The following COL12A1 variants were observed in gnomAD, a reference collection of about 807,000 sequenced individuals.
COL12A1 encodes collagen alpha-1(XII) chain.
A neutral mutation model predicts 349.7 loss-of-function variants in COL12A1; 114 were observed. The ratio of observed to expected loss-of-function variants is 0.33; its 90% CI spans 0.28 to 0.38. The LOEUF is 0.38. Ranked by LOEUF, COL12A1 falls within the 10% of genes least tolerant of loss-of-function variation. The pLI, the probability that COL12A1 is intolerant of heterozygous loss-of-function variation, is 1.00. For missense variants in COL12A1, 3,284 were observed against 3,756.9 expected (o/e 0.87, Z 3.29); for synonymous variants, 1,369 against 1,329.0 (o/e 1.03, Z -0.66).
In COL12A1 at chr6:75,124,256, A is replaced by G; in HGVS notation, c.6723T>C (p.Asp2241=). The G allele has an allele frequency of 6.2e-7, 1 of 1,612,400 alleles. No individual in the cohort carries two copies. The highest frequency in any genetic ancestry group is 8.5e-7 in the Non-Finnish European group (1 of 1,179,070). ...TSYRLKLSPA[D]GTRGQEITVR... is the part of the protein sequence containing the mutation. The stretch of plus-strand genomic sequence containing the variant: ...TTTTTTTCTTTTTTACACACATACC[A>G]TCTGCAGGGCTTAGTTTTAGCCTGT... The change falls in exon 41 of 66, where the codon GAT becomes GAC. Residue 2241 remains aspartate, a splice_region_variant and synonymous_variant. Coordinates refer to ENST00000322507, the MANE Select transcript of COL12A1 (RefSeq NM_004370.6).
Position 75,189,144 on chromosome 6 carries a change from T to C in COL12A1, c.823+73A>G, listed in dbSNP as rs967337811. ...ATAGCATCCTTCCTTGAGGAATCAA[T>C]CTTTCATCTTCCTAAACATTAAGTA... On this transcript the variant is annotated intron_variant, in intron 7 of 65. Coordinates refer to ENST00000322507, the MANE Select transcript of COL12A1 (RefSeq NM_004370.6). 44 of 1,466,264 alleles carry C rather than the reference T, an allele frequency of 3.0e-5. 1 individual carries two copies. The highest frequency in any genetic ancestry group is 2.0e-4 in the Admixed American group (10 of 49,528). 90.8% of individuals were successfully genotyped at this position (1,466,264 alleles called of 1,614,324 possible).
intron 38 of COL12A1, among the ~76,000 whole-genome samples, chr6:75,126,963 G>A (rs1433205544): frequency 3.9e-5 from 6 of 151,970 alleles, no homozygotes; most frequent in Non-Finnish European, 5.9e-5. Flanking sequence ...AAATCCTTAA[G>A]CTTCCAGAGA....
intron 3 of COL12A1, among the ~76,000 whole-genome samples, chr6:75,194,109 G>A (rs1261503312): frequency 2.6e-5 from 4 of 152,048 alleles, no homozygotes. Flanking sequence ...GGGATGGCTG[G>A]GTCAAATGAT....
intron 64 of COL12A1, among the ~76,000 whole-genome samples, 184 bp downstream of exon 64, chr6:75,088,922 A>G (rs903884357): frequency 4.0e-5 from 6 of 151,620 alleles, no homozygotes; most frequent in African/African-American, 1.5e-4. Flanking sequence ...AATGGCGTGA[A>G]CCCAGGAGGT....
Position 75,189,630 on chromosome 6 carries a change from A to G in COL12A1, c.580T>C (p.Leu194=), listed in dbSNP as rs2149475695. Residue 194 remains leucine, a synonymous_variant, in exon 6 of 66, where the codon TTA becomes CTA. Coordinates refer to ENST00000322507, the MANE Select transcript of COL12A1 (RefSeq NM_004370.6). ...TCATCCCTTTGGTAGTACTGATTTA[A>G]GTTAAATTCAGTCCTGGTATCAGAG... ...YSSDTRTEFN[L]NQYYQRDELL... 2 of 1,613,368 alleles carry G rather than the reference A, an allele frequency of 1.2e-6. No individual in the cohort carries two copies. Among genetic ancestry groups the G allele is most frequent in the African/African-American group, 2.7e-5 (2 of 74,976 alleles).
chr6:75,181,009 C>T lies in COL12A1; in HGVS notation c.2094G>A (p.Leu698=), dbSNP rs756368336. ...CCTCATACTCCGCAGTCACATTGAC[C>T]AAATACAAGGTCTCTGGCTTCAGGC... The part of the protein sequence containing the change: ...LSSLKPETLY[L]VNVTAEYEDG... Residue 698 remains leucine, a synonymous_variant, in exon 11 of 66, where the codon TTG becomes TTA. Transcript: ENST00000322507. 1 of 1,613,984 alleles carries T rather than the reference C, an allele frequency of 6.2e-7. No homozygotes were observed. Among genetic ancestry groups the T allele is most frequent in the South Asian group, 1.1e-5 (1 of 91,058 alleles).
chr6:75,097,270 C>T lies in COL12A1; in HGVS notation c.8560G>A (p.Gly2854Ser). 1 of 1,613,574 alleles carries T rather than the reference C, an allele frequency of 6.2e-7. No individual in the cohort carries two copies. The highest frequency in any genetic ancestry group is 8.5e-7 in the Non-Finnish European group (1 of 1,179,722). Reference protein sequence around the residue: ...TGKDGAMGPRGPPGPPGSPGS... With the variant: ...TGKDGAMGPRSPPGPPGSPGS... ...GTTCTTACCGGCGGCCCTGGTGGGC[C>T]CCTGGGTCCCATTGCACCGTCTTTT... Residue 2854 changes from glycine to serine, a missense_variant, in exon 59 of 66, where the codon GGC (glycine) becomes AGC (serine). By Grantham distance (56) the Gly-to-Ser change is moderately conservative (BLOSUM62 0). Transcript: ENST00000322507.
At chr6:75,192,599 G>C (rs1024329347) in intron 3 of COL12A1, among the ~76,000 whole-genome samples, 5 of 151,998 alleles carry the variant, frequency 3.3e-5, no homozygotes, top group Non-Finnish European at 4.4e-5. Flanking sequence ...GAGAATTCAA[G>C]ACATTTCTAG....
At chr6:75,150,082 G>A (rs1304850175) in intron 21 of COL12A1, among the ~76,000 whole-genome samples, 4 of 152,072 alleles carry the variant, frequency 2.6e-5, no homozygotes, top group Non-Finnish European at 5.9e-5. Context: ...AGCACCCAGA[G>A]CAAGTGAACC....
rs756533214 is a variant in COL12A1 at position 75,192,261 on chromosome 6, A to G, written c.285T>C (p.Thr95=). 1 of 1,610,104 alleles carries G rather than the reference A, an allele frequency of 6.2e-7. No individual in the cohort carries two copies. The highest frequency in any genetic ancestry group is 1.3e-5 in the African/African-American group (1 of 74,930). ...VPETEYVVTI[T]SYDEVEESVP... is the part of the protein sequence containing the mutation. The stretch of plus-strand genomic sequence containing the variant: ...CACTTTCTTCTACTTCATCATATGA[A>G]GTTATTGTCACCACATACTCTGTTT... The change falls in exon 4 of 66, where the codon ACT becomes ACC. Residue 95 remains threonine, a synonymous_variant. Transcript: ENST00000322507.
rs934694981 is a variant in COL12A1, at chr6:75,151,906, T to C, written c.3961A>G (p.Lys1321Glu). 6.2e-7 allele frequency: 1 copy of C among 1,613,860 alleles called. No individual in the cohort carries two copies. Among genetic ancestry groups the C allele is most frequent in the Non-Finnish European group, 8.5e-7 (1 of 1,179,812 alleles). ...TCCACTCCCTCATCCTTGAGTTTCT[T>C]TGAAGGTGCTTCAACATCGTCTTGT... ...KSQDDVEAPSKKLKDEGVELF... is the reference protein window; with the variant it reads ...KSQDDVEAPSEKLKDEGVELF... The change falls in exon 20 of 66, where the codon AAG becomes GAG. Residue 1321 changes from lysine to glutamate, a missense_variant. Physicochemically the swap from Lys to Glu is moderately conservative, Grantham distance 56. Transcript: ENST00000322507.
At position 75,189,663 on chromosome 6, in the gene COL12A1, G is replaced by C. The variant is rs761329686; in HGVS notation, c.547C>G (p.Gln183Glu). 6.2e-7 allele frequency: 1 copy of C among 1,613,252 alleles called. No homozygotes were observed. Among genetic ancestry groups the C allele is most frequent in the Admixed American group, 1.7e-5 (1 of 59,938 alleles). ...TCAGTCCTGGTATCAGAGCTGTATT[G>C]AACAACTCCAACTCTTGTCTTCTCT... ...GEEKTRVGVV[Q>E]YSSDTRTEFN... Residue 183 changes from glutamine to glutamate, a missense_variant, in exon 6 of 66, where the codon CAA becomes GAA. Transcript: ENST00000322507.
At chr6:75,134,902 C>T in intron 31 of COL12A1, 47 bp from the exon 32 acceptor site, 5 of 1,572,088 alleles carry the variant, frequency 3.2e-6, no homozygotes, top group African/African-American at 1.3e-5. Context: ...CTCTCTCCAT[C>T]TCACTAATCT....
chr6:75,142,215 A>G lies in COL12A1; in HGVS notation c.4828-54T>C, dbSNP rs546946895. 14 of 1,605,354 alleles carry G rather than the reference A, an allele frequency of 8.7e-6. No homozygotes were observed. In the Admixed American group the frequency reaches 1.7e-4, roughly 19 times the overall value. On this transcript the variant is annotated intron_variant, in intron 26 of 65. Coordinates refer to ENST00000322507, the MANE Select transcript of COL12A1 (RefSeq NM_004370.6). ...CTTTTACAAAGGGTTTACTTTTGACATCTCTCTGTTGTTTACTGTACCTGT... is the reference window on the plus strand; with the variant it reads ...CTTTTACAAAGGGTTTACTTTTGACGTCTCTCTGTTGTTTACTGTACCTGT...
intron 57 of COL12A1, 32 bp from the exon 58 acceptor site, chr6:75,101,685 T>G: frequency 6.3e-7 from 1 of 1,599,524 alleles, no homozygotes; most frequent in East Asian, 2.2e-5. Context: ...AGTGAAACAT[T>G]ATAATATACT....
intron 23 of COL12A1, 44 bp from the exon 24 acceptor site, chr6:75,146,288 T>C (rs780415226): frequency 1.3e-6 from 2 of 1,527,806 alleles, no homozygotes; most frequent in East Asian, 2.3e-5. Context: ...TTCCTTTCAT[T>C]CCACTCATTT....
At chr6:75,091,671 A>G (rs1394082358) in intron 60 of COL12A1, 146 bp from the exon 61 acceptor site, 1 of 750,078 alleles carries the variant, frequency 1.3e-6, no homozygotes, top group Non-Finnish European at 2.2e-6. Flanking sequence ...TGTTACTCAC[A>G]TTCTGCTTTT....
intron 61 of COL12A1, 43 bp from the exon 62 acceptor site, chr6:75,091,432 T>A: frequency 6.2e-7 from 1 of 1,611,790 alleles, no homozygotes; most frequent in Non-Finnish European, 8.5e-7. Flanking sequence ...AGTTCTATAG[T>A]TTTAGGCTTC....
rs1767464774 is a variant in COL12A1, at chr6:75,151,193, G to A, written c.4095C>T (p.Ser1365=). ...AYNVADFESL[S]RIVDDLTINL... ...TAATGGTGAGATCATCCACTATCCT[G>A]GAGAGTGACTCAAAATCTGCCACAT... Residue 1365 remains serine, a synonymous_variant, in exon 21 of 66, where the codon TCC becomes TCT. Transcript: ENST00000322507. The A allele has an allele frequency of 1.2e-6, 2 of 1,613,176 alleles. No individual in the cohort carries two copies. The highest frequency in any genetic ancestry group is 2.7e-5 in the African/African-American group (2 of 74,786).
Sources: gnomAD v4.1 joint callset for allele counts (sites outside exome capture counted in the v4.1 genomes callset) on GRCh38, gnomAD v4.1.1 for gene constraint, MANE v1.5 for transcripts, NCBI Gene and HGNC (gene_info 2026-07-23, HGNC 2026-07-21) for gene names.